Variants in CYP11A1 observed in about 807,000 individuals in gnomAD.
The protein encoded by CYP11A1 is cholesterol side-chain cleavage enzyme, mitochondrial.
A neutral mutation model predicts 51.9 loss-of-function variants in CYP11A1; 25 were observed. The ratio of observed to expected loss-of-function variants is 0.48; its 90% confidence interval spans 0.35 to 0.67. The LOEUF (loss-of-function observed/expected upper bound fraction) is 0.67. CYP11A1 is among the 30% of genes least tolerant of loss of function. The pLI is 0.00. For synonymous variants in CYP11A1, 245 were observed against 262.1 expected (o/e 0.93, Z 0.63); for missense variants, 578 against 680.9 (o/e 0.85, Z 1.68).
chr15:74,342,562 C>T (rs1357376134), intron 5 of CYP11A1, among the ~76,000 whole-genome samples: 1 of 152,126 alleles, frequency 6.6e-6, no homozygotes, highest in African/African-American at 2.4e-5. Flanking sequence ...ATGCCTCGGC[C>T]TCCCAATGTT....
chr15:74,353,075 G>A (rs554047922), intron 1 of CYP11A1, among the ~76,000 whole-genome samples: 1 of 152,200 alleles, frequency 6.6e-6, no homozygotes, highest in South Asian at 2.1e-4. Flanking sequence ...ACATTACAAA[G>A]GATAAGGTTT....
At chr15:74,357,249 GACACCC>G (rs1374406323) in intron 1 of CYP11A1, among the ~76,000 whole-genome samples, 1 of 152,090 alleles carries the variant, frequency 6.6e-6, no homozygotes, top group Admixed American at 6.5e-5. Context: ...GACTGACCCT[GACACCC>G]ATCAGGCTCA....
chr15:74,345,389 C>G lies in CYP11A1; in HGVS notation c.426-146G>C. ...ACCAGGGCCTCTGCCCTCACCTCTC[C>G]GAGCACCCTCTGCCTCTCACCTCCT... On this transcript the variant is annotated intron_variant, in intron 2 of 8. Coordinates refer to ENST00000268053, the MANE Select transcript of CYP11A1 (RefSeq NM_000781.3). This position sits in a 1 kb window ranked among gnomAD's most constrained non-coding sequence, Gnocchi z 4.3. 1.3e-6 allele frequency: 1 copy of G among 783,038 alleles called. No individual in the cohort carries two copies. Among genetic ancestry groups the G allele is most frequent in the Non-Finnish European group, 2.2e-6 (1 of 458,686 alleles). The allele number at this position is 783,038 out of a possible 1,614,324, so 48.5% of individuals were successfully genotyped here.
intron 1 of CYP11A1, 123 bp from the exon 2 acceptor site, chr15:74,348,178 C>T: frequency 9.4e-7 from 1 of 1,061,596 alleles, no homozygotes; most frequent in Non-Finnish European, 1.4e-6. Flanking sequence ...AGGCCCTTAA[C>T]CCCTCTGAGT....
At chr15:74,351,409 C>T (rs980077207) in intron 1 of CYP11A1, among the ~76,000 whole-genome samples, 2 of 152,168 alleles carry the variant, frequency 1.3e-5, no homozygotes, top group Non-Finnish European at 2.9e-5. Flanking sequence ...GGGCTTAAAC[C>T]TTACTTTCTT....
At chr15:74,346,090 C>T (rs1412841020) in intron 2 of CYP11A1, among the ~76,000 whole-genome samples, 6 of 152,134 alleles carry the variant, frequency 3.9e-5, no homozygotes, top group African/African-American at 7.2e-5. Context: ...CAGTGGCTCA[C>T]GCCTGTAATC....
Position 74,347,917 on chromosome 15 carries a change from G to C in CYP11A1, c.408C>G (p.Pro136=). Reference sequence around the variant, plus strand: ...GGACTCACTTCAACAGGACTCCTATGGGTCTCTGGTAATACTGGTGATAGG... The same window carrying C: ...GGACTCACTTCAACAGGACTCCTATCGGTCTCTGGTAATACTGGTGATAGG... ...WVAYHQYYQR[P]IGVLLKKSAA... The change falls in exon 2 of 9, where the codon CCC becomes CCG. Residue 136 remains proline, a synonymous_variant. Coordinates refer to ENST00000268053, the MANE Select transcript of CYP11A1 (RefSeq NM_000781.3). The C allele has an allele frequency of 1.2e-6, 2 of 1,614,208 alleles. No individual in the cohort carries two copies. Among genetic ancestry groups the C allele is most frequent in the Non-Finnish European group, 1.7e-6 (2 of 1,180,034 alleles).
chr15:74,365,841 T>C, intron 1 of CYP11A1: 1 of 985,632 alleles, frequency 1.0e-6, no homozygotes, highest in South Asian at 4.7e-5. Flanking sequence ...GAGAAACGCA[T>C]ACCGGGTCGC....
chr15:74,349,401 T>G (rs561309245), intron 1 of CYP11A1, among the ~76,000 whole-genome samples: 5 of 152,176 alleles, frequency 3.3e-5, no homozygotes, highest in Non-Finnish European at 7.3e-5. Flanking sequence ...ATGTTCTCTC[T>G]CTCTCTCCTC....
In CYP11A1 at chr15:74,349,394, TTCTC is replaced by T. The variant is rs368155952; in HGVS notation, c.270-1343_270-1340del. ...CCAAGTGTGCTCATGTGTGTGCATG[TTCTC>T]TCTCTCTCTCCTCTCATAGTGCTGC... On this transcript the variant is annotated intron_variant, in intron 1 of 8. Coordinates refer to ENST00000268053, the MANE Select transcript of CYP11A1 (RefSeq NM_000781.3). Among the ~76,000 whole-genome samples, 6 of 151,946 alleles carry T rather than the reference TTCTC, an allele frequency of 3.9e-5. No individual in the cohort carries two copies. The East Asian group carries it at 9.6e-4, about 24-fold the overall frequency.
chr15:74,339,863 G>A (rs746353127), intron 5 of CYP11A1, 110 bp from the exon 6 acceptor site: 12 of 1,047,428 alleles, frequency 1.1e-5, no homozygotes, highest in East Asian at 7.5e-5. Flanking sequence ...CTTTCTCCCC[G>A]AACCCCATCC....
intron 1 of CYP11A1, chr15:74,363,645 G>T (rs1285162409): frequency 1.3e-5 from 2 of 152,338 alleles, no homozygotes; most frequent in African/African-American, 4.8e-5. Context: ...TGCTCTCAAA[G>T]GTTTTAAATG....
intron 7 of CYP11A1, among the ~76,000 whole-genome samples, 154 bp from the exon 8 acceptor site, chr15:74,338,922 CA>C (rs1341029703): frequency 6.6e-6 from 1 of 152,218 alleles, no homozygotes; most frequent in Non-Finnish European, 1.5e-5. Context: ...GCCCACTGTG[CA>C]GCCTTGAACA....
In CYP11A1 at chr15:74,367,485, G is replaced by A. The variant is rs1444146611; in HGVS notation, c.101C>T (p.Thr34Ile). Residue 34 changes from threonine to isoleucine, a missense_variant, in exon 1 of 9, where the codon ACT becomes ATT. Thr to Ile is a moderately conservative substitution (Grantham distance 89). Coordinates refer to ENST00000268053, the MANE Select transcript of CYP11A1 (RefSeq NM_000781.3). ...REGLGRLRVP[T>I]GEGAGISTRS... is the part of the protein sequence containing the mutation. ...GGTGGAGATGCCAGCTCCCTCGCCA[G>A]TGGGCACCCTGAGACGCCCCAGCCC... The A allele has an allele frequency of 3.1e-6, 5 of 1,614,224 alleles. No individual in the cohort carries two copies. Among genetic ancestry groups the A allele is most frequent in the Admixed American group, 3.3e-5 (2 of 60,034 alleles).
Position 74,365,749 on chromosome 15 carries a change from G to A in CYP11A1, c.269+1568C>T, listed in dbSNP as rs570728306. 1.9e-3 allele frequency: 1,909 copies of A among 985,530 alleles called. 3 individuals are homozygous for A. Among genetic ancestry groups the A allele is most frequent in the Non-Finnish European group, 2.2e-3 (1,822 of 829,960 alleles). The allele number at this position is 985,530 out of a possible 1,614,324, so 61.0% of individuals were successfully genotyped here. On this transcript the variant is annotated intron_variant, in intron 1 of 8. Coordinates refer to ENST00000268053, the MANE Select transcript of CYP11A1 (RefSeq NM_000781.3). ...GCCACTGTCGGCTCCGGTGGGCTCG[G>A]GTGAGCTCGGGTGAACGCAGCGAGC...
intron 8 of CYP11A1, 197 bp from the exon 9 acceptor site, chr15:74,338,300 A>G (rs1055639840): frequency 4.1e-6 from 3 of 728,304 alleles, no homozygotes; most frequent in Non-Finnish European, 7.1e-6. Context: ...TTAGGCCTAG[A>G]CCTTAACTTG....
At chr15:74,349,345 A>G (rs984097422) in intron 1 of CYP11A1, among the ~76,000 whole-genome samples, 1 of 152,224 alleles carries the variant, frequency 6.6e-6, no homozygotes, top group African/African-American at 2.4e-5. Flanking sequence ...TAGGCAAAAT[A>G]GCATAAAAAC....
chr15:74,342,971 C>A lies in CYP11A1; in HGVS notation c.990+6G>T. The A allele has an allele frequency of 6.2e-7, 1 of 1,612,210 alleles. No homozygotes were observed. The highest frequency in any genetic ancestry group is 2.2e-5 in the East Asian group (1 of 44,880). The stretch of plus-strand genomic sequence containing the variant: ...CAACAAGGTGCCGCCCCTACAGCCA[C>A]CTCACCGTGTCCACCCCTCCTGCCA... On this transcript the variant is annotated splice_donor_region_variant and intron_variant, in intron 5 of 8. Transcript: ENST00000268053.
intron 1 of CYP11A1, chr15:74,366,178 C>A (rs1172337686): frequency 1.0e-6 from 1 of 985,164 alleles, no homozygotes; most frequent in East Asian, 1.1e-4. Flanking sequence ...CGGGCGGCGG[C>A]GTGCGCTGGG....
Sources: allele counts gnomAD v4.1 joint callset (sites outside exome capture counted in the v4.1 genomes callset), GRCh38; gene constraint gnomAD v4.1.1; non-coding constraint Gnocchi (gnomAD v3.1); transcripts MANE v1.5; gene names NCBI Gene and HGNC (gene_info 2026-07-23, HGNC 2026-07-21).